Variants in RNF180 observed in about 807,000 individuals in gnomAD.
RNF180 encodes the protein E3 ubiquitin-protein ligase RNF180.
RNF180 carries 38 observed loss-of-function variants against 59.2 expected under a neutral mutation model. That is an observed-to-expected ratio of 0.64 (90% CI 0.50 to 0.84). The LOEUF is 0.84. Ranked by LOEUF, RNF180 falls within the 40% of genes least tolerant of loss-of-function variation. RNF180 has a pLI of 0.00. For missense variants in RNF180, 705 were observed against 700.9 expected (o/e 1.01, Z -0.07); for synonymous variants, 262 against 240.3 (o/e 1.09, Z -0.84).
intron 7 of RNF180, among the ~76,000 whole-genome samples, chr5:64,333,234 G>A (rs2112544348): frequency 6.6e-6 from 1 of 152,146 alleles, no homozygotes; most frequent in African/African-American, 2.4e-5. Context: ...CTAGAGTGTA[G>A]TGGCGCAATC....
chr5:64,212,117 A>G lies in RNF180; in HGVS notation c.188A>G (p.Asn63Ser). 1.2e-6 allele frequency: 2 copies of G among 1,608,082 alleles called. No homozygotes were observed. Among genetic ancestry groups the G allele is most frequent in the Non-Finnish European group, 1.7e-6 (2 of 1,174,722 alleles). ...AQNICHVWHMNVEALPEWISC... is the reference protein window; with the variant it reads ...AQNICHVWHMSVEALPEWISC... ...AATATTTGTCATGTGTGGCACATGAATGTAGAAGCCCTTCCAGAATGGATA... is the reference window on the plus strand; with the variant it reads ...AATATTTGTCATGTGTGGCACATGAGTGTAGAAGCCCTTCCAGAATGGATA... Residue 63 changes from asparagine to serine, a missense_variant, in exon 3 of 8, where the codon AAT (asparagine) becomes AGT (serine). Transcript: ENST00000389100.
intron 5 of RNF180, among the ~76,000 whole-genome samples, chr5:64,306,482 A>G (rs1163238873): frequency 6.6e-6 from 1 of 151,672 alleles, no homozygotes; most frequent in Non-Finnish European, 1.5e-5. Flanking sequence ...AACCAGAAAG[A>G]TTATATGACC....
chr5:64,227,837 G>C (rs991814176), intron 5 of RNF180, among the ~76,000 whole-genome samples: 2 of 152,100 alleles, frequency 1.3e-5, no homozygotes, highest in Non-Finnish European at 2.9e-5. Flanking sequence ...AAATAAATCT[G>C]CACATTTGGT....
At position 64,330,375 on chromosome 5, in the gene RNF180, A is replaced by G. The variant is rs1359741540; in HGVS notation, c.1548A>G (p.Pro516=). Residue 516 remains proline (P), a synonymous_variant, in exon 7 of 8, where the codon CCA becomes CCG. Coordinates refer to ENST00000389100, the MANE Select transcript of RNF180 (RefSeq NM_001113561.2). ...QKSNSAKWPL[P]SCRKAFHLFG... is the part of the protein sequence containing the mutation. Reference sequence around the variant, plus strand: ...CCAACTCTGCAAAATGGCCCCTACCAAGCTGCAGAAAAGCATTTCATCTTT... The same window carrying G: ...CCAACTCTGCAAAATGGCCCCTACCGAGCTGCAGAAAAGCATTTCATCTTT... 6.5e-7 allele frequency: 1 copy of G among 1,539,530 alleles called. No individual in the cohort carries two copies. Among genetic ancestry groups the G allele is most frequent in the East Asian group, 2.4e-5 (1 of 40,836 alleles).
intron 5 of RNF180, among the ~76,000 whole-genome samples, chr5:64,223,816 C>T (rs942380311): frequency 6.6e-6 from 1 of 151,892 alleles, no homozygotes; most frequent in African/African-American, 2.4e-5. Context: ...ATTGAGGATA[C>T]AACAATGAAT....
intron 1 of RNF180, among the ~76,000 whole-genome samples, chr5:64,194,461 A>T (rs1363579331): frequency 1.3e-5 from 2 of 152,198 alleles, no homozygotes; most frequent in African/African-American, 4.8e-5. Context: ...GCCACAATAA[A>T]CATCCGTGTG....
intron 5 of RNF180, among the ~76,000 whole-genome samples, chr5:64,258,428 A>C (rs1744116459): frequency 6.6e-6 from 1 of 152,202 alleles, no homozygotes; most frequent in African/African-American, 2.4e-5. Flanking sequence ...TTACTGAACC[A>C]ATAAAATGAT....
chr5:64,249,999 G>T (rs2112271934), intron 5 of RNF180, among the ~76,000 whole-genome samples: 1 of 152,174 alleles, frequency 6.6e-6, no homozygotes, highest in Non-Finnish European at 1.5e-5. Context: ...TATTCAACAG[G>T]TGCAGAATAC....
intron 7 of RNF180, among the ~76,000 whole-genome samples, chr5:64,360,118 G>T (rs1280279288): frequency 1.3e-5 from 2 of 151,900 alleles, no homozygotes; most frequent in Non-Finnish European, 2.9e-5. Flanking sequence ...GGTTATGCGG[G>T]CTCTTTTTTG....
chr5:64,207,208 C>A (rs1468136198), intron 2 of RNF180, among the ~76,000 whole-genome samples: 1 of 151,622 alleles, frequency 6.6e-6, no homozygotes, highest in Non-Finnish European at 1.5e-5. Context: ...ATATTGATTA[C>A]TCATATAGAT....
chr5:64,168,771 T>A (rs946832625), intron 1 of RNF180, among the ~76,000 whole-genome samples: 1 of 152,280 alleles, frequency 6.6e-6, no homozygotes, highest in Admixed American at 6.5e-5. Context: ...AAAAAAAAGT[T>A]ATTAACAAGT....
At chr5:64,355,921 G>A (rs1746000871) in intron 7 of RNF180, among the ~76,000 whole-genome samples, 1 of 151,786 alleles carries the variant, frequency 6.6e-6, no homozygotes, top group Admixed American at 6.6e-5. Flanking sequence ...CATAAATCTT[G>A]TAAAATAAAG....
chr5:64,201,631 C>T (rs966821276), intron 2 of RNF180, among the ~76,000 whole-genome samples: 40 of 152,150 alleles, frequency 2.6e-4, no homozygotes, highest in African/African-American at 7.7e-4. Flanking sequence ...TCGTTTGTTT[C>T]GTTGTTTTAC....
At chr5:64,171,049 C>T (rs1033198700) in intron 1 of RNF180, among the ~76,000 whole-genome samples, 16 of 152,084 alleles carry the variant, frequency 1.1e-4, no homozygotes, top group Admixed American at 4.6e-4. Flanking sequence ...TAATAGTCAA[C>T]GATATAGAGT....
chr5:64,253,789 C>T (rs1476238721), intron 5 of RNF180, among the ~76,000 whole-genome samples: 1 of 152,010 alleles, frequency 6.6e-6, no homozygotes, highest in African/African-American at 2.4e-5. Flanking sequence ...CCCAAGGTCA[C>T]CTATAAAAGC....
intron 2 of RNF180, among the ~76,000 whole-genome samples, chr5:64,202,862 C>T (rs1751822379): frequency 6.6e-6 from 1 of 152,258 alleles, no homozygotes; most frequent in African/African-American, 2.4e-5. Context: ...AACTGAGGCA[C>T]AGAAGATTAG....
At chr5:64,174,960 T>C (rs980917858) in intron 1 of RNF180, among the ~76,000 whole-genome samples, 8 of 51,862 alleles carry the variant, frequency 1.5e-4, no homozygotes, top group Admixed American at 5.5e-4. Context: ...AATCCAGTTC[T>C]TTTTTTTTTT....
intron 7 of RNF180, among the ~76,000 whole-genome samples, chr5:64,343,144 T>C (rs974593263): frequency 2.6e-5 from 4 of 151,906 alleles, no homozygotes; most frequent in Non-Finnish European, 5.9e-5. Flanking sequence ...AAAAAGAAAG[T>C]ACAAAATAGA....
At chr5:64,180,204 A>T (rs931809026) in intron 1 of RNF180, among the ~76,000 whole-genome samples, 1 of 152,204 alleles carries the variant, frequency 6.6e-6, no homozygotes, top group Non-Finnish European at 1.5e-5. Context: ...TACTGAAGTT[A>T]AAATTTTATC....
Sources: gnomAD v4.1 joint callset for allele counts (sites outside exome capture counted in the v4.1 genomes callset) on GRCh38, gnomAD v4.1.1 for gene constraint, MANE v1.5 for transcripts, NCBI Gene and HGNC (gene_info 2026-07-23, HGNC 2026-07-21) for gene names.